The following PAM variants were observed in gnomAD, a reference collection of about 807,000 sequenced individuals.
PAM encodes peptidyl-glycine alpha-amidating monooxygenase.
A neutral mutation model predicts 122.1 loss-of-function variants in PAM; 72 were observed. The ratio of observed to expected loss-of-function variants is 0.59; its 90% CI spans 0.49 to 0.72. The LOEUF (loss-of-function observed/expected upper bound fraction) is 0.72. PAM is among the 30% of genes least tolerant of loss of function. PAM has a pLI of 0.00. For missense variants in PAM, 1,106 were observed against 1,183.7 expected (o/e 0.93, Z 0.96); for synonymous variants, 389 against 404.4 (o/e 0.96, Z 0.46).
intron 7 of PAM, among the ~76,000 whole-genome samples, chr5:102,929,518 A>G (rs1750710825): frequency 4.6e-5 from 7 of 152,236 alleles, no homozygotes; most frequent in Admixed American, 4.6e-4. Context: ...ATTTTAAAGT[A>G]TATAAATTGT....
At chr5:102,928,030 G>C (rs11742319) in intron 7 of PAM, among the ~76,000 whole-genome samples, 1 of 152,148 alleles carries the variant, frequency 6.6e-6, no homozygotes, top group South Asian at 2.1e-4. Context: ...GGTTTCAGTA[G>C]AACAGACAGA....
intron 5 of PAM, among the ~76,000 whole-genome samples, chr5:102,917,826 T>G (rs914318140): frequency 6.6e-6 from 1 of 152,198 alleles, no homozygotes. Context: ...TACTGTTCAT[T>G]AAAATATATT....
chr5:102,818,895 G>C (rs1400419140), intron 1 of PAM, among the ~76,000 whole-genome samples: 1 of 152,058 alleles, frequency 6.6e-6, no homozygotes, highest in African/African-American at 2.4e-5. Flanking sequence ...TTAGAGTTTG[G>C]AAATCTTTTC....
intron 1 of PAM, among the ~76,000 whole-genome samples, chr5:102,786,403 C>T (rs906459168): frequency 3.3e-5 from 5 of 152,148 alleles, no homozygotes; most frequent in Admixed American, 6.5e-5. Context: ...GAATTTAATT[C>T]GTAATCATTA....
At chr5:102,968,627 A>G (rs1764830651) in intron 14 of PAM, among the ~76,000 whole-genome samples, 1 of 152,170 alleles carries the variant, frequency 6.6e-6, no homozygotes. Context: ...GTTTATGCCT[A>G]GTATAAATAT....
rs573735449 is a variant in PAM, at chr5:102,801,197, C to T, written c.-374+45849C>T. Reference sequence around the variant, plus strand: ...CTCACCATGTGATACTGAAGCTGAGCTATTTATATTGTTTTAACTAGACAT... The same window carrying T: ...CTCACCATGTGATACTGAAGCTGAGTTATTTATATTGTTTTAACTAGACAT... On this transcript the variant is annotated intron_variant, in intron 1 of 25. Coordinates refer to ENST00000438793, the MANE Select transcript of PAM (RefSeq NM_001177306.2). Among the ~76,000 whole-genome samples, 4 of 152,138 alleles carry T rather than the reference C, an allele frequency of 2.6e-5. No individual in the cohort carries two copies. The South Asian group carries it at 8.3e-4, about 32-fold the overall frequency.
At chr5:102,820,716 A>G (rs1371736299) in intron 1 of PAM, among the ~76,000 whole-genome samples, 1 of 152,240 alleles carries the variant, frequency 6.6e-6, no homozygotes, top group Non-Finnish European at 1.5e-5. Context: ...AATTGGTTGG[A>G]ATTCTACCTT....
rs141609742 is a variant in PAM at position 103,013,846 on chromosome 5, T to C, written c.2332-3488T>C. Among the ~76,000 whole-genome samples, 1,011 of 152,240 alleles carry C rather than the reference T, an allele frequency of 6.6e-3. 7 individuals are homozygous for C. The highest frequency in any genetic ancestry group is 0.012 in the Non-Finnish European group (842 of 67,984). On this transcript the variant is annotated intron_variant, in intron 21 of 25. Coordinates refer to ENST00000438793, the MANE Select transcript of PAM (RefSeq NM_001177306.2). ...AGGATCTGAATATAACCAAAATGAA[T>C]CTAAACTAAAGATTCCAGTATACAT... is the stretch of plus-strand genomic sequence containing the variant.
At chr5:102,826,880 A>G (rs1474033059) in intron 1 of PAM, among the ~76,000 whole-genome samples, 2 of 152,216 alleles carry the variant, frequency 1.3e-5, no homozygotes, top group African/African-American at 4.8e-5. Flanking sequence ...TTTATTTTTC[A>G]ATGATATTAT....
chr5:102,769,745 G>A (rs890517656), intron 1 of PAM, among the ~76,000 whole-genome samples: 1 of 152,056 alleles, frequency 6.6e-6, no homozygotes, highest in Non-Finnish European at 1.5e-5. Flanking sequence ...TGCTGCTTTG[G>A]TTATTAGAGC....
intron 1 of PAM, among the ~76,000 whole-genome samples, chr5:102,839,601 T>C (rs1778043353): frequency 6.6e-6 from 1 of 151,970 alleles, no homozygotes; most frequent in Non-Finnish European, 1.5e-5. Flanking sequence ...GCATCCTTCT[T>C]TCTGTCTTTA....
At chr5:102,868,334 G>T (rs1254207896) in intron 3 of PAM, among the ~76,000 whole-genome samples, 2 of 152,132 alleles carry the variant, frequency 1.3e-5, no homozygotes, top group Non-Finnish European at 2.9e-5. Flanking sequence ...CTTTGCAATT[G>T]ACATCCAGAA....
chr5:102,916,462 A>T (rs1414559315), intron 5 of PAM, among the ~76,000 whole-genome samples: 1 of 151,856 alleles, frequency 6.6e-6, no homozygotes, highest in South Asian at 2.1e-4. Context: ...TTGAATTTAT[A>T]ATCATAAAAC....
intron 23 of PAM, among the ~76,000 whole-genome samples, chr5:103,023,274 T>C (rs1414489014): frequency 5.3e-5 from 8 of 152,094 alleles, no homozygotes; most frequent in Admixed American, 3.9e-4. Context: ...AGTATACCCA[T>C]TGTATATTAG....
At chr5:103,016,537 C>G (rs1318112497) in intron 21 of PAM, among the ~76,000 whole-genome samples, 1 of 152,204 alleles carries the variant, frequency 6.6e-6, no homozygotes, top group Non-Finnish European at 1.5e-5. Context: ...TAATTTAAGG[C>G]TTCTCTTCCA....
intron 3 of PAM, among the ~76,000 whole-genome samples, chr5:102,900,119 G>C (rs1218068908): frequency 6.6e-6 from 1 of 151,340 alleles, no homozygotes; most frequent in Non-Finnish European, 1.5e-5. Context: ...CTTGTTACCA[G>C]GTTTTGGCTA....
chr5:103,007,320 A>C lies in PAM; in HGVS notation c.2015-137A>C, dbSNP rs949273395. ...ATAAAAGACATTATAAAATAATCTT[A>C]TAAACTGCTTTACCTTATCTTTCCC... On this transcript the variant is annotated intron_variant, in intron 19 of 25. Transcript: ENST00000438793. The C allele has an allele frequency of 1.4e-5, 10 of 718,460 alleles. No homozygotes were observed. The African/African-American group carries it at 1.8e-4, about 13-fold the overall frequency. The allele number at this position is 718,460 out of a possible 1,614,324, so 44.5% of individuals were successfully genotyped here.
chr5:102,838,347 T>G (rs2150534183), intron 1 of PAM: 1 of 152,260 alleles, frequency 6.6e-6, no homozygotes, highest in East Asian at 1.9e-4. Context: ...ATGCCCAAGT[T>G]TGTTTGTTGT....
intron 5 of PAM, among the ~76,000 whole-genome samples, chr5:102,920,868 T>C (rs1443913790): frequency 6.6e-6 from 1 of 152,014 alleles, no homozygotes; most frequent in Non-Finnish European, 1.5e-5. Flanking sequence ...CCTTGGATTT[T>C]AAATAGCCTT....
Sources: gnomAD v4.1 joint callset for allele counts (sites outside exome capture counted in the v4.1 genomes callset) on GRCh38, gnomAD v4.1.1 for gene constraint, MANE v1.5 for transcripts, NCBI Gene and HGNC (gene_info 2026-07-23, HGNC 2026-07-21) for gene names.